The following RBKS variants were observed in gnomAD, a reference collection of about 807,000 sequenced individuals.
RBKS encodes ribokinase.
Under a neutral mutation model 33.9 loss-of-function variants are expected in RBKS, and 33 were observed. That is an observed-to-expected ratio of 0.97 (90% CI 0.74 to 1.30). RBKS has a LOEUF of 1.30. Ranked by LOEUF, RBKS falls within the 50% of genes most tolerant of loss-of-function variation. RBKS has a pLI of 0.00. For missense variants in RBKS, 361 were observed against 392.6 expected (o/e 0.92, Z 0.68); for synonymous variants, 125 against 143.0 (o/e 0.87, Z 0.90).
intron 7 of RBKS, among the ~76,000 whole-genome samples, chr2:27,820,272 C>T (rs1332953228): frequency 6.6e-6 from 1 of 152,120 alleles, no homozygotes; most frequent in African/African-American, 2.4e-5. Context: ...CACCTTCTCC[C>T]CAGCCTATAC....
intron 6 of RBKS, among the ~76,000 whole-genome samples, chr2:27,831,599 G>A (rs982153743): frequency 6.6e-6 from 1 of 152,142 alleles, no homozygotes. Context: ...AAATTATCAA[G>A]AAAGCAGGTC....
intron 7 of RBKS, among the ~76,000 whole-genome samples, chr2:27,825,875 A>G (rs1013680226): frequency 6.6e-6 from 1 of 152,234 alleles, no homozygotes; most frequent in Non-Finnish European, 1.5e-5. Flanking sequence ...AATAGGGGCT[A>G]AGCCACTTCT....
At chr2:27,781,827 T>G in intron 7 of RBKS, 39 bp from the exon 8 acceptor site, 1 of 1,543,232 alleles carries the variant, frequency 6.5e-7, no homozygotes, top group African/African-American at 1.4e-5. Context: ...AAGCATGTAG[T>G]CAATCTGTTG....
chr2:27,841,453 G>A (rs1663505657), intron 5 of RBKS, among the ~76,000 whole-genome samples: 1 of 152,180 alleles, frequency 6.6e-6, no homozygotes, highest in Admixed American at 6.5e-5. Context: ...GCACGGTGCA[G>A]AGAATGCGTA....
chr2:27,799,268 G>C (rs1677728125), intron 7 of RBKS, among the ~76,000 whole-genome samples: 3 of 152,190 alleles, frequency 2.0e-5, no homozygotes, highest in Non-Finnish European at 2.9e-5. Context: ...TCCAAGGTAA[G>C]ATCTTGTCAG....
chr2:27,868,072 A>G (rs1019011467), intron 1 of RBKS, among the ~76,000 whole-genome samples: 5 of 152,238 alleles, frequency 3.3e-5, no homozygotes, highest in African/African-American at 1.2e-4. Flanking sequence ...TTTAAATTCC[A>G]GAATGACTTC....
At chr2:27,791,649 A>AC (rs1456963977) in intron 7 of RBKS, among the ~76,000 whole-genome samples, 1,335 of 52,146 alleles carry the variant, frequency 0.026, 27 homozygotes, top group African/African-American at 0.07. Flanking sequence ...CACACTAAAT[A>AC]TACATATACA....
chr2:27,839,571 C>A (rs932946628), intron 5 of RBKS, among the ~76,000 whole-genome samples: 2 of 152,090 alleles, frequency 1.3e-5, no homozygotes, highest in East Asian at 3.9e-4. Flanking sequence ...ATGTAGGGAT[C>A]TTTTCCTCTG....
intron 7 of RBKS, among the ~76,000 whole-genome samples, chr2:27,809,260 G>T (rs1677946751): frequency 6.6e-6 from 1 of 152,234 alleles, no homozygotes; most frequent in African/African-American, 2.4e-5. Context: ...CAAGTTCAGG[G>T]GCAGGTGCTG....
chr2:27,827,100 C>T (rs1678326618), intron 7 of RBKS, among the ~76,000 whole-genome samples: 1 of 152,206 alleles, frequency 6.6e-6, no homozygotes, highest in Non-Finnish European at 1.5e-5. Context: ...TCTCTGCTAA[C>T]CAGTGCTCCT....
At chr2:27,822,881 AC>A (rs1678238773) in intron 7 of RBKS, among the ~76,000 whole-genome samples, 3 of 152,378 alleles carry the variant, frequency 2.0e-5, no homozygotes, top group Middle Eastern at 3.4e-3. Context: ...TAGCCTACGG[AC>A]TAAATTCTTG....
intron 5 of RBKS, among the ~76,000 whole-genome samples, chr2:27,839,341 T>C (rs1663420480): frequency 6.6e-6 from 1 of 152,198 alleles, no homozygotes; most frequent in Admixed American, 6.5e-5. Context: ...TTCCATTTGC[T>C]TGGAAATGGA....
chr2:27,882,238 C>A (rs571688088), intron 1 of RBKS, among the ~76,000 whole-genome samples: 12 of 152,176 alleles, frequency 7.9e-5, no homozygotes, highest in Non-Finnish European at 1.8e-4. Context: ...AAAAAACAAC[C>A]CCATTAAAAA....
At chr2:27,797,658 G>A (rs1162155940) in intron 7 of RBKS, among the ~76,000 whole-genome samples, 1 of 152,172 alleles carries the variant, frequency 6.6e-6, no homozygotes, top group Admixed American at 6.5e-5. Flanking sequence ...CCACTGCATG[G>A]GGGGTCCATT....
At chr2:27,801,957 AAAAAAAATAT>A (rs1400951870) in intron 7 of RBKS, among the ~76,000 whole-genome samples, 1 of 64,614 alleles carries the variant, frequency 1.5e-5, no homozygotes, top group African/African-American at 6.5e-5. Flanking sequence ...GGGGAAAAAA[AAAAAAAATAT>A]ATATATATAT....
At chr2:27,852,780 A>C (rs1663775940) in intron 2 of RBKS, among the ~76,000 whole-genome samples, 1 of 152,264 alleles carries the variant, frequency 6.6e-6, no homozygotes, top group African/African-American at 2.4e-5. Context: ...ATTAGAATAC[A>C]GAAAATATGT....
chr2:27,841,340 GA>G (rs986823806), intron 5 of RBKS, among the ~76,000 whole-genome samples: 2 of 152,020 alleles, frequency 1.3e-5, no homozygotes, highest in African/African-American at 2.4e-5. Context: ...GGGATAGTAG[GA>G]AAAAAAGAGA....
At chr2:27,849,559 C>CAAAA (rs70953894) in intron 2 of RBKS, among the ~76,000 whole-genome samples, 3 of 28,588 alleles carry the variant, frequency 1.0e-4, no homozygotes, top group African/African-American at 2.0e-4. Flanking sequence ...GACTCTGTCT[C>CAAAA]AAAAAAAAAA....
At chr2:27,847,725 A>G (rs986964728) in intron 3 of RBKS, among the ~76,000 whole-genome samples, 1 of 152,208 alleles carries the variant, frequency 6.6e-6, no homozygotes, top group Non-Finnish European at 1.5e-5. Context: ...TATGGCTTCT[A>G]ATGATTGTTG....
Sources: allele counts gnomAD v4.1 joint callset (sites outside exome capture counted in the v4.1 genomes callset), GRCh38; gene constraint gnomAD v4.1.1; transcripts MANE v1.5; gene names NCBI Gene and HGNC (gene_info 2026-07-23, HGNC 2026-07-21).